TOX2: variants seen among roughly 807,000 people sequenced by gnomAD.
The protein encoded by TOX2 is TOX high mobility group box family member 2, also known as granulosa cell HMG box 1.
A neutral mutation model predicts 47.4 loss-of-function variants in TOX2; 15 were observed. That is an observed-to-expected ratio of 0.32 (90% CI 0.21 to 0.49). TOX2 has a LOEUF of 0.49. Among genes scored for constraint, TOX2 ranks in the 20% least tolerant of loss-of-function variants. The pLI is 0.99. For synonymous variants in TOX2, 290 were observed against 296.6 expected, an observed-to-expected ratio of 0.98 and a Z score of 0.23; for missense variants, 622 against 673.1, an observed-to-expected ratio of 0.92 and a Z score of 0.84.
In TOX2 at chr20:44,065,784, C is replaced by G. The variant is rs1368451013; in HGVS notation, c.1033C>G (p.Pro345Ala). The change falls in exon 7 of 9, where the codon CCC (proline) becomes GCC (alanine). Residue 345 changes from proline to alanine, a missense_variant. Pro to Ala is a conservative substitution (Grantham distance 27). This residue lies in a region of TOX2 where 294 missense variants were observed against 300.0 expected (regional missense o/e 0.98). Transcript: ENST00000341197. ...PPAKMLPPKQ[P>A]MYAMPGLASF... ...AGCCAAAATGCTCCCACCCAAGCAGCCCATGTATGCCATGCCAGGCCTGGC... is the reference window on the plus strand; with the variant it reads ...AGCCAAAATGCTCCCACCCAAGCAGGCCATGTATGCCATGCCAGGCCTGGC... 11 of 1,612,634 alleles carry G rather than the reference C, an allele frequency of 6.8e-6. No homozygotes were observed. Among genetic ancestry groups the G allele is most frequent in the Non-Finnish European group, 9.3e-6 (11 of 1,178,954 alleles).
At chr20:44,010,789 T>A (rs1248584478) in intron 3 of TOX2, among the ~76,000 whole-genome samples, 1 of 152,144 alleles carries the variant, frequency 6.6e-6, no homozygotes, top group Admixed American at 6.5e-5. Flanking sequence ...GACCCCAAGG[T>A]GGCAGATGAT....
chr20:44,007,051 G>A (rs111556832), intron 3 of TOX2, among the ~76,000 whole-genome samples: 5 of 152,140 alleles, frequency 3.3e-5, no homozygotes, highest in African/African-American at 7.2e-5. Flanking sequence ...ACAGTATCTC[G>A]GTATTGGTTT....
At chr20:43,987,912 CTTTTTTTTTT>C (rs762084312) in intron 2 of TOX2, among the ~76,000 whole-genome samples, 1 of 70,024 alleles carries the variant, frequency 1.4e-5, no homozygotes, top group African/African-American at 6.1e-5. Context: ...ATATCAACAT[CTTTTTTTTTT>C]TTTTTTTTTT....
Position 43,986,792 on chromosome 20 carries a change from G to A in TOX2, c.165+13360G>A, listed in dbSNP as rs1353583986. ...ATGCCTTCGTATGTTCAGGCCAGGC[G>A]TGGTGGCTCATGCCTGTAATCCTAG... On this transcript the variant is annotated intron_variant, in intron 2 of 8. Transcript: ENST00000341197. 5.3e-5 allele frequency among the ~76,000 whole-genome samples: 8 copies of A among 152,140 alleles called. No individual in the cohort carries two copies. The South Asian group carries it at 6.2e-4, about 12-fold the overall frequency.
chr20:43,976,803 C>T (rs1181622429), intron 2 of TOX2, among the ~76,000 whole-genome samples: 1 of 149,698 alleles, frequency 6.7e-6, no homozygotes, highest in Non-Finnish European at 1.5e-5. Context: ...CACACACACA[C>T]ATACACACAT....
chr20:43,969,513 G>T (rs899002723), intron 1 of TOX2, among the ~76,000 whole-genome samples: 1 of 152,220 alleles, frequency 6.6e-6, no homozygotes, highest in African/African-American at 2.4e-5. Context: ...GGGCTGCAGG[G>T]GTAAGCCCCA....
rs770920813 is a variant in TOX2 at position 44,069,480 on chromosome 20, G to T, written c.*794G>T. On this transcript the variant is annotated 3_prime_UTR_variant, in exon 9 of 9. Coordinates refer to ENST00000341197, the MANE Select transcript of TOX2 (RefSeq NM_001098797.2). ...GAAGTTACAGCTTATCCTACCGTGTGTGTGGTTTTGGGGTTTCGTTTGGGT... is the reference window on the plus strand; with the variant it reads ...GAAGTTACAGCTTATCCTACCGTGTTTGTGGTTTTGGGGTTTCGTTTGGGT... 1 of 153,076 alleles carries T rather than the reference G, an allele frequency of 6.5e-6. No individual in the cohort carries two copies. The highest frequency in any genetic ancestry group is 1.5e-5 in the Non-Finnish European group (1 of 68,308). 9.5% of individuals were successfully genotyped at this position (153,076 alleles called of 1,614,324 possible).
At chr20:43,978,244 C>T (rs2070114655) in intron 2 of TOX2, among the ~76,000 whole-genome samples, 1 of 152,148 alleles carries the variant, frequency 6.6e-6, no homozygotes, top group Admixed American at 6.5e-5. Flanking sequence ...ATATCCTTAT[C>T]TCAAGGAGTG....
At chr20:43,959,256 C>G (rs1335784604) in intron 1 of TOX2, among the ~76,000 whole-genome samples, 1 of 152,238 alleles carries the variant, frequency 6.6e-6, no homozygotes, top group Non-Finnish European at 1.5e-5. Context: ...CAGCTTAGTG[C>G]AGAGCCTGGA....
chr20:43,918,379 T>C (rs1324361979), intron 1 of TOX2, among the ~76,000 whole-genome samples: 1 of 152,210 alleles, frequency 6.6e-6, no homozygotes, highest in Non-Finnish European at 1.5e-5. Flanking sequence ...TGAGTTTTGA[T>C]AAATATTAAC....
At position 43,943,123 on chromosome 20, in the gene TOX2, C is replaced by T. The variant is rs534423232; in HGVS notation, c.99+28133C>T. On this transcript the variant is annotated intron_variant, in intron 1 of 8. Coordinates refer to ENST00000341197, the MANE Select transcript of TOX2 (RefSeq NM_001098797.2). ...CAACCTGCCAGGCAGGTGCACCTGC[C>T]GCAGCCCTGCCTTCTCTGTGGAGCT... 5.5e-4 allele frequency among the ~76,000 whole-genome samples: 83 copies of T among 152,228 alleles called. 1 individual carries two copies. The South Asian group carries it at 7.5e-3, about 14-fold the overall frequency.
At chr20:44,000,530 C>T (rs1213209990) in intron 2 of TOX2, among the ~76,000 whole-genome samples, 1 of 151,832 alleles carries the variant, frequency 6.6e-6, no homozygotes, top group Non-Finnish European at 1.5e-5. Flanking sequence ...AATTAACATC[C>T]AAAGGGAAGG....
chr20:43,992,094 C>T (rs146321467), intron 2 of TOX2, among the ~76,000 whole-genome samples: 587 of 152,238 alleles, frequency 3.9e-3, no homozygotes, highest in African/African-American at 0.011. Context: ...ATTTGAGCAA[C>T]GACTTGAAGG....
intron 2 of TOX2, among the ~76,000 whole-genome samples, chr20:44,001,599 G>A (rs1054065046): frequency 5.9e-5 from 9 of 152,114 alleles, no homozygotes; most frequent in Non-Finnish European, 1.0e-4. Context: ...CAATTGGGCC[G>A]GTTCCAGTGG....
chr20:43,969,176 G>A (rs1040255113), intron 1 of TOX2, among the ~76,000 whole-genome samples: 34 of 152,232 alleles, frequency 2.2e-4, no homozygotes, highest in African/African-American at 5.1e-4. Flanking sequence ...CTGTGTGTGC[G>A]TTGGTTGGTG....
chr20:44,013,958 C>T (rs1277526950), intron 3 of TOX2, among the ~76,000 whole-genome samples: 1 of 151,722 alleles, frequency 6.6e-6, no homozygotes, highest in Non-Finnish European at 1.5e-5. Flanking sequence ...AGTGAAACCC[C>T]ATCTCTACTA....
intron 1 of TOX2, among the ~76,000 whole-genome samples, chr20:43,919,746 T>C (rs990330296): frequency 1.3e-5 from 2 of 152,196 alleles, no homozygotes; most frequent in Non-Finnish European, 2.9e-5. Flanking sequence ...ATTGTTCAGC[T>C]CCCACTTATA....
At chr20:44,048,642 C>T (rs556791883) in intron 3 of TOX2, among the ~76,000 whole-genome samples, 1 of 151,162 alleles carries the variant, frequency 6.6e-6, no homozygotes, top group Non-Finnish European at 1.5e-5. Context: ...ACAAAAGTAA[C>T]CCTAAAAAAT....
At chr20:43,950,346 T>C (rs1446229442) in intron 1 of TOX2, among the ~76,000 whole-genome samples, 1 of 152,244 alleles carries the variant, frequency 6.6e-6, no homozygotes, top group Non-Finnish European at 1.5e-5. Context: ...CCCTCTCGCC[T>C]GCCCTCGCTG....
Sources: gnomAD v4.1 joint callset for allele counts (sites outside exome capture counted in the v4.1 genomes callset) on GRCh38, gnomAD v4.1.1 for gene constraint, gnomAD v4.1.1 regional missense constraint, MANE v1.5 for transcripts, NCBI Gene and HGNC (gene_info 2026-07-23, HGNC 2026-07-21) for gene names.